Variants in IPMK observed in about 807,000 individuals in gnomAD.
IPMK encodes the protein inositol polyphosphate multikinase.
IPMK carries 17 observed loss-of-function variants against 45.8 expected under a neutral mutation model. That is an observed-to-expected ratio of 0.37 (90% CI 0.25 to 0.56). The LOEUF (loss-of-function observed/expected upper bound fraction) is 0.56, where lower values mean the gene tolerates loss of function less well. Ranked by LOEUF, IPMK falls within the 20% of genes least tolerant of loss-of-function variation. The pLI is 0.79. For synonymous variants in IPMK, 180 were observed against 184.3 expected (o/e 0.98, Z 0.19); for missense variants, 399 against 498.0 (o/e 0.80, Z 1.89).
chr10:58,237,667 TCAC>T, intron 2 of IPMK, 59 bp downstream of exon 2: 2 of 1,208,148 alleles, frequency 1.7e-6, no homozygotes, highest in Non-Finnish European at 2.5e-6. Context: ...TTACTGTGAG[TCAC>T]CACCAGAAAA....
chr10:58,228,066 C>A (rs550023955), intron 2 of IPMK, among the ~76,000 whole-genome samples: 2 of 152,238 alleles, frequency 1.3e-5, no homozygotes, highest in East Asian at 3.9e-4. Flanking sequence ...CATTGTATTT[C>A]CCAGATTCCC....
At chr10:58,248,610 A>G (rs996094414) in intron 1 of IPMK, among the ~76,000 whole-genome samples, 5 of 152,160 alleles carry the variant, frequency 3.3e-5, no homozygotes, top group Admixed American at 2.0e-4. Flanking sequence ...GTGAACTATA[A>G]TCACCCTATC....
intron 3 of IPMK, among the ~76,000 whole-genome samples, chr10:58,226,208 C>T (rs1479089455): frequency 6.6e-6 from 1 of 152,132 alleles, no homozygotes; most frequent in Non-Finnish European, 1.5e-5. Context: ...TAAAGGAAGA[C>T]AAGAACTGAC....
intron 4 of IPMK, among the ~76,000 whole-genome samples, chr10:58,209,384 A>G (rs1177806846): frequency 1.3e-5 from 2 of 152,214 alleles, no homozygotes; most frequent in South Asian, 4.1e-4. Flanking sequence ...ACTACCCACC[A>G]GTGAAAAGAT....
chr10:58,213,635 A>G (rs2790157), intron 4 of IPMK, among the ~76,000 whole-genome samples: 51,655 of 151,618 alleles, frequency 0.34, 11,073 homozygotes, highest in African/African-American at 0.61. Flanking sequence ...TGCAGTGAGC[A>G]GAGATGCGAC....
At chr10:58,251,006 C>G (rs1838872301) in intron 1 of IPMK, among the ~76,000 whole-genome samples, 1 of 152,130 alleles carries the variant, frequency 6.6e-6, no homozygotes, top group Admixed American at 6.5e-5. Flanking sequence ...GTCAAACCAT[C>G]CTTAGAGACT....
chr10:58,267,501 G>A lies in IPMK; in HGVS notation c.111C>T (p.Gly37=). 6.2e-7 allele frequency: 1 copy of A among 1,613,398 alleles called. No homozygotes were observed. The highest frequency in any genetic ancestry group is 8.5e-7 in the Non-Finnish European group (1 of 1,179,798). Residue 37 remains glycine, a synonymous_variant, in exon 1 of 6, where the codon GGC becomes GGT. Coordinates refer to ENST00000373935, the MANE Select transcript of IPMK (RefSeq NM_152230.5). The part of the protein sequence containing the change: ...STPEGTPQPA[G]GRLRFLNGCV... Reference sequence around the variant, plus strand: ...AGCCGTTGAGGAAGCGGAGTCTGCCGCCCGCCGGCTGCGGGGTGCCCTCAG... The same window carrying A: ...AGCCGTTGAGGAAGCGGAGTCTGCCACCCGCCGGCTGCGGGGTGCCCTCAG...
chr10:58,242,041 A>G (rs1838702829), intron 1 of IPMK, among the ~76,000 whole-genome samples: 1 of 151,974 alleles, frequency 6.6e-6, no homozygotes, highest in South Asian at 2.1e-4. Context: ...AGTCCTACAC[A>G]TGATGCCCAC....
intron 4 of IPMK, among the ~76,000 whole-genome samples, chr10:58,203,675 T>TAG (rs1838029900): frequency 6.6e-6 from 1 of 152,192 alleles, no homozygotes; most frequent in African/African-American, 2.4e-5. Flanking sequence ...AATCTACTCC[T>TAG]AGTAAAGATG....
At chr10:58,266,452 T>C (rs1441120883) in intron 1 of IPMK, among the ~76,000 whole-genome samples, 1 of 152,242 alleles carries the variant, frequency 6.6e-6, no homozygotes, top group African/African-American at 2.4e-5. Context: ...TATTGTAACG[T>C]GACTTCAGGC....
chr10:58,211,925 A>AAAAAAAAAAAAAAAAAAAAAAAAAC (rs1564529770), intron 4 of IPMK, among the ~76,000 whole-genome samples: 1 of 147,352 alleles, frequency 6.8e-6, no homozygotes, highest in African/African-American at 2.6e-5. Flanking sequence ...AAAAAAAAAA[A>AAAAAAAAAAAAAAAAAAAAAAAAAC]TTTGTTTTCA....
At position 58,246,735 on chromosome 10, in the gene IPMK, C is replaced by T. The variant is rs367743724; in HGVS notation, c.191-8921G>A. 6.4e-3 allele frequency among the ~76,000 whole-genome samples: 964 copies of T among 151,338 alleles called. 10 individuals carry two copies. The highest frequency in any genetic ancestry group is 0.022 in the African/African-American group (908 of 40,752). On this transcript the variant is annotated intron_variant, in intron 1 of 5. Coordinates refer to ENST00000373935, the MANE Select transcript of IPMK (RefSeq NM_152230.5). ...AACCTAGGCATTACCATTCAGGACA[C>T]AGGCATGGGCAAGGACTTCATGTCT...
At chr10:58,244,994 C>A (rs1210701166) in intron 1 of IPMK, among the ~76,000 whole-genome samples, 2 of 151,296 alleles carry the variant, frequency 1.3e-5, no homozygotes, top group Non-Finnish European at 2.9e-5. Flanking sequence ...TATCCTATGA[C>A]CCTGCCACAT....
chr10:58,201,504 C>T (rs1463399443), intron 4 of IPMK, among the ~76,000 whole-genome samples: 1 of 152,118 alleles, frequency 6.6e-6, no homozygotes, highest in African/African-American at 2.4e-5. Context: ...ATATGTGTGT[C>T]CTGACTGTTC....
In IPMK at chr10:58,227,043, C is replaced by T. The variant is rs1208463667; in HGVS notation, c.373G>A (p.Asp125Asn). The change falls in exon 3 of 6, where the codon GAT (aspartate) becomes AAT (asparagine). Residue 125 changes from aspartate to asparagine, a missense_variant and splice_region_variant. Asp to Asn is a conservative substitution (Grantham distance 23). Coordinates refer to ENST00000373935, the MANE Select transcript of IPMK (RefSeq NM_152230.5). Reference sequence around the variant, plus strand: ...AAGATAATTTTTATGACAAGATTACCGTTTGGTGCAGTGGGAGGTGACCAG... The same window carrying T: ...AAGATAATTTTTATGACAAGATTACTGTTTGGTGCAGTGGGAGGTGACCAG... ...GIWSPPTAPN[D>N]LYLKLEDVTH... 6.3e-7 allele frequency: 1 copy of T among 1,591,386 alleles called. No homozygotes were observed. Among genetic ancestry groups the T allele is most frequent in the Non-Finnish European group, 8.6e-7 (1 of 1,161,696 alleles).
intron 4 of IPMK, among the ~76,000 whole-genome samples, chr10:58,209,174 C>G (rs1006240175): frequency 3.4e-4 from 51 of 152,174 alleles, no homozygotes; most frequent in African/African-American, 1.2e-3. Context: ...CTGGATTATT[C>G]CAGAATGGCT....
Position 58,196,673 on chromosome 10 carries a change from C to A in IPMK, c.654G>T (p.Gly218=), listed in dbSNP as rs543365928. Reference sequence around the variant, plus strand: ...CAACAGCATCTTTTCTTAAGCAGTACCCATTATGAAAAAATCTGGAGACTC... The same window carrying A: ...CAACAGCATCTTTTCTTAAGCAGTAACCATTATGAAAAAATCTGGAGACTC... ...KDGVSRFFHN[G]YCLRKDAVAA... is the part of the protein sequence containing the mutation. The change falls in exon 6 of 6, where the codon GGG becomes GGT. Residue 218 remains glycine (G), a synonymous_variant. Coordinates refer to ENST00000373935, the MANE Select transcript of IPMK (RefSeq NM_152230.5). The A allele has an allele frequency of 1.6e-5, 26 of 1,583,468 alleles. No individual in the cohort carries two copies. In the South Asian group the frequency reaches 2.2e-4, roughly 14 times the overall value.
intron 5 of IPMK, 71 bp from the exon 6 acceptor site, chr10:58,196,769 A>G (rs1350309788): frequency 9.5e-7 from 1 of 1,054,186 alleles, no homozygotes; most frequent in Non-Finnish European, 1.4e-6. Flanking sequence ...TAAACTCATC[A>G]CAGAATTCTC....
At chr10:58,254,701 T>C (rs990891725) in intron 1 of IPMK, among the ~76,000 whole-genome samples, 5 of 152,366 alleles carry the variant, frequency 3.3e-5, no homozygotes, top group African/African-American at 9.6e-5. Context: ...TGTCAGACCT[T>C]TACTTTTTAG....
Sources: gnomAD v4.1 joint callset for allele counts (sites outside exome capture counted in the v4.1 genomes callset) on GRCh38, gnomAD v4.1.1 for gene constraint, MANE v1.5 for transcripts, NCBI Gene and HGNC (gene_info 2026-07-23, HGNC 2026-07-21) for gene names.